The following TBC1D32 variants were observed in gnomAD, a reference collection of about 807,000 sequenced individuals.
The protein encoded by TBC1D32 is protein broad-minded.
A neutral mutation model predicts 170.3 loss-of-function variants in TBC1D32; 151 were observed. The ratio of observed to expected loss-of-function variants is 0.89; its 90% CI spans 0.78 to 1.01. TBC1D32 has a LOEUF of 1.01. Ranked by LOEUF, TBC1D32 falls within the 50% of genes least tolerant of loss-of-function variation. The pLI is 0.00. For missense variants in TBC1D32, 1,464 were observed against 1,457.1 expected, an observed-to-expected ratio of 1.00 and a Z score of -0.08; for synonymous variants, 498 against 488.0, an observed-to-expected ratio of 1.02 and a Z score of -0.27.
intron 24 of TBC1D32, among the ~76,000 whole-genome samples, chr6:121,142,146 C>A (rs909653444): frequency 2.0e-5 from 3 of 152,210 alleles, no homozygotes; most frequent in African/African-American, 7.2e-5. Context: ...CTTTTTGACC[C>A]CTAGTGCCGG....
In TBC1D32 at chr6:121,112,522, G is replaced by A; in HGVS notation, c.3307C>T (p.Pro1103Ser). Residue 1103 changes from proline (P) to serine (S), a missense_variant, in exon 29 of 32, where the codon CCA becomes TCA. This residue lies in a region of TBC1D32 where 1,363 missense variants were observed against 1,338.1 expected (regional missense o/e 1.02). Coordinates refer to ENST00000398212, the MANE Select transcript of TBC1D32 (RefSeq NM_152730.6). Reference protein sequence around the residue: ...RLLTSAFLWLPRLHISSYLPN... With the variant: ...RLLTSAFLWLSRLHISSYLPN... ...AGTCTTACAGAAATATGTAGCCTTG[G>A]CAACCAAAGAAAAGCAGAAGTCAGA... 6.2e-7 allele frequency: 1 copy of A among 1,606,570 alleles called. No homozygotes were observed. The highest frequency in any genetic ancestry group is 1.7e-4 in the Middle Eastern group (1 of 6,028).
intron 31 of TBC1D32, among the ~76,000 whole-genome samples, chr6:121,081,993 T>A (rs555361714): frequency 6.6e-6 from 1 of 152,232 alleles, no homozygotes; most frequent in East Asian, 1.9e-4. Context: ...TGTTGTTATA[T>A]ACTTAATACC....
chr6:121,141,131 CAT>C (rs938836779), intron 24 of TBC1D32, among the ~76,000 whole-genome samples: 64 of 121,386 alleles, frequency 5.3e-4, no homozygotes, highest in African/African-American at 1.5e-3. Flanking sequence ...GTAGACTATA[CAT>C]AAATACATAA....
chr6:121,147,647 A>C (rs775527611), intron 24 of TBC1D32, among the ~76,000 whole-genome samples: 1 of 151,922 alleles, frequency 6.6e-6, no homozygotes, highest in East Asian at 1.9e-4. Context: ...GCTGGAGTGC[A>C]GTGGTGCAAT....
intron 22 of TBC1D32, among the ~76,000 whole-genome samples, chr6:121,195,366 C>T (rs543792967): frequency 6.6e-6 from 1 of 152,298 alleles, no homozygotes; most frequent in East Asian, 1.9e-4. Context: ...AAGTCCCTAC[C>T]ATCTTCTGCA....
chr6:121,097,520 A>G (rs923597617), intron 30 of TBC1D32, among the ~76,000 whole-genome samples: 18 of 152,084 alleles, frequency 1.2e-4, no homozygotes, highest in Non-Finnish European at 1.9e-4. Flanking sequence ...TTAGAATGGC[A>G]ATCATTCAAA....
chr6:121,246,744 A>C (rs907213150), intron 17 of TBC1D32, among the ~76,000 whole-genome samples: 1 of 151,818 alleles, frequency 6.6e-6, no homozygotes, highest in African/African-American at 2.4e-5. Context: ...AATACACTGG[A>C]AAGTTTCAAC....
chr6:121,228,761 A>G (rs114899468), intron 20 of TBC1D32, among the ~76,000 whole-genome samples: 4,158 of 152,204 alleles, frequency 0.027, 152 homozygotes, highest in African/African-American at 0.087. Context: ...CAAATGGTTA[A>G]TAGTGGTATT....
chr6:121,258,529 T>C (rs965563521), intron 15 of TBC1D32, among the ~76,000 whole-genome samples: 1 of 151,974 alleles, frequency 6.6e-6, no homozygotes, highest in Admixed American at 6.6e-5. Flanking sequence ...GGTATAATCC[T>C]AGATATCTTG....
intron 17 of TBC1D32, among the ~76,000 whole-genome samples, chr6:121,253,461 G>A (rs951203453): frequency 1.3e-5 from 2 of 152,206 alleles, no homozygotes; most frequent in African/African-American, 4.8e-5. Flanking sequence ...GCTCACGCCT[G>A]TAATCCCCGC....
intron 9 of TBC1D32, among the ~76,000 whole-genome samples, chr6:121,300,328 T>C (rs1312826142): frequency 6.6e-6 from 1 of 151,932 alleles, no homozygotes; most frequent in Non-Finnish European, 1.5e-5. Context: ...GCATCTGTAG[T>C]CCCAGCTACT....
At chr6:121,208,829 C>A (rs1273675742) in intron 21 of TBC1D32, among the ~76,000 whole-genome samples, 2 of 150,744 alleles carry the variant, frequency 1.3e-5, no homozygotes, top group African/African-American at 4.9e-5. Context: ...AAACTTCTGG[C>A]CTTCAGAATT....
At chr6:121,313,114 GTGTGTGTGT>G (rs1808462376) in intron 3 of TBC1D32, among the ~76,000 whole-genome samples, 2 of 17,318 alleles carry the variant, frequency 1.2e-4, no homozygotes, top group Admixed American at 1.0e-3. Flanking sequence ...TGGTGTGTGT[GTGTGTGTGT>G]GTGTGTGTGT....
chr6:121,302,987 G>A (rs1289474707), intron 9 of TBC1D32, among the ~76,000 whole-genome samples: 1 of 152,152 alleles, frequency 6.6e-6, no homozygotes, highest in African/African-American at 2.4e-5. Flanking sequence ...TAGGTGCCCA[G>A]TACAGATTGA....
chr6:121,111,779 C>T (rs1326332428), intron 29 of TBC1D32, among the ~76,000 whole-genome samples: 7 of 152,086 alleles, frequency 4.6e-5, no homozygotes, highest in Non-Finnish European at 1.0e-4. Context: ...TGAATATTTT[C>T]ATCTCCACAT....
At chr6:121,224,256 T>C (rs1390519086) in intron 20 of TBC1D32, 1 of 152,218 alleles carries the variant, frequency 6.6e-6, no homozygotes, top group African/African-American at 2.4e-5. Context: ...TTTCAAAATA[T>C]GTCACATCTG....
At chr6:121,115,472 A>G (rs1292733319) in intron 26 of TBC1D32, 2 of 367,592 alleles carry the variant, frequency 5.4e-6, no homozygotes, top group Non-Finnish European at 9.8e-6. Context: ...TATTAAATAC[A>G]TAACAATAGT....
At chr6:121,304,263 A>G in intron 8 of TBC1D32, 102 bp downstream of exon 8, 1 of 965,188 alleles carries the variant, frequency 1.0e-6, no homozygotes, top group Non-Finnish European at 1.5e-6. Context: ...CTTCCCAATC[A>G]GGTAAGTCCA....
intron 20 of TBC1D32, among the ~76,000 whole-genome samples, chr6:121,236,045 T>C (rs1443257801): frequency 6.6e-6 from 1 of 152,170 alleles, no homozygotes; most frequent in Non-Finnish European, 1.5e-5. Flanking sequence ...ATTTTCCTAC[T>C]TGTTTTCTTT....
Sources: gnomAD v4.1 joint callset for allele counts (sites outside exome capture counted in the v4.1 genomes callset) on GRCh38, gnomAD v4.1.1 for gene constraint, gnomAD v4.1.1 regional missense constraint, MANE v1.5 for transcripts, NCBI Gene and HGNC (gene_info 2026-07-23, HGNC 2026-07-21) for gene names.